Variants in DNAJC10 observed in about 807,000 individuals in gnomAD.
DNAJC10 encodes the protein endoplasmic reticulum disulfide reductase DNAJC10.
Under a neutral mutation model 115.0 loss-of-function variants are expected in DNAJC10, and 101 were observed. That is an observed-to-expected ratio of 0.88 (90% CI 0.75 to 1.04). The LOEUF (loss-of-function observed/expected upper bound fraction) is 1.04, where lower values mean the gene tolerates loss of function less well. Ranked by LOEUF, DNAJC10 falls within the 50% of genes least tolerant of loss-of-function variation. The pLI, the probability that DNAJC10 is intolerant of heterozygous loss-of-function variation, is 0.00. For missense variants in DNAJC10, 981 were observed against 928.8 expected (o/e 1.06, Z -0.73); for synonymous variants, 307 against 301.5 (o/e 1.02, Z -0.19).
chr2:182,761,162 G>T (rs1204610316), intron 21 of DNAJC10, among the ~76,000 whole-genome samples: 2 of 152,032 alleles, frequency 1.3e-5, no homozygotes, highest in Non-Finnish European at 2.9e-5. Context: ...AGAGAAAATG[G>T]AAATAAATAT....
At chr2:182,756,225 G>GATACTCAA in intron 17 of DNAJC10, 89 bp from the exon 18 acceptor site, 1 of 1,088,286 alleles carries the variant, frequency 9.2e-7, no homozygotes, top group Non-Finnish European at 1.3e-6. Flanking sequence ...TTGGATAAGA[G>GATACTCAA]ATACTCAACC....
Position 182,740,477 on chromosome 2 carries a change from A to G in DNAJC10, c.1077+89A>G, listed in dbSNP as rs187567938. 31 of 1,244,316 alleles carry G rather than the reference A, an allele frequency of 2.5e-5. No homozygotes were observed. In the Admixed American group the frequency reaches 3.8e-4, roughly 15 times the overall value. 77.1% of individuals were successfully genotyped at this position (1,244,316 alleles called of 1,614,324 possible). On this transcript the variant is annotated intron_variant, in intron 12 of 23. Transcript: ENST00000264065. ...TTTAAAATTAGCATTTGTTTTATTCATCTCTAGAGAGAATTGAAAGTAGCA... is the reference window on the plus strand; with the variant it reads ...TTTAAAATTAGCATTTGTTTTATTCGTCTCTAGAGAGAATTGAAAGTAGCA...
chr2:182,745,544 C>T (rs1693839648), intron 14 of DNAJC10, among the ~76,000 whole-genome samples: 1 of 152,108 alleles, frequency 6.6e-6, no homozygotes, highest in Admixed American at 6.6e-5. Flanking sequence ...TACATTGTTT[C>T]TTTGGATTAA....
At chr2:182,753,373 T>G (rs1309963836) in intron 16 of DNAJC10, among the ~76,000 whole-genome samples, 3 of 152,032 alleles carry the variant, frequency 2.0e-5, no homozygotes, top group Non-Finnish European at 2.9e-5. Flanking sequence ...AAGAAAGCCA[T>G]ACATTTTTAG....
intron 10 of DNAJC10, among the ~76,000 whole-genome samples, chr2:182,735,262 G>T (rs990260563): frequency 6.6e-6 from 1 of 151,494 alleles, no homozygotes; most frequent in Non-Finnish European, 1.5e-5. Flanking sequence ...GCTACCTAAC[G>T]CAAGAGTACT....
Position 182,777,517 on chromosome 2 carries a change from TATA to T in DNAJC10, c.*388_*390del, listed in dbSNP as rs764808697. 37 of 155,166 alleles carry T rather than the reference TATA, an allele frequency of 2.4e-4. No homozygotes were observed. The highest frequency in any genetic ancestry group is 3.3e-3 in the Middle Eastern group (1 of 306). 9.6% of individuals were successfully genotyped at this position (155,166 alleles called of 1,614,324 possible). A position where few individuals can be genotyped will look rare whatever the true frequency, so the allele number is the denominator to read the frequency against. On this transcript the variant is annotated 3_prime_UTR_variant, in exon 24 of 24. Transcript: ENST00000264065. Reference sequence around the variant, plus strand: ...AGATTGCTGTCCCCCTCGACGGACTTATAATGTTTCAGGTGGCTGGCTTGAACA... The same window carrying T: ...AGATTGCTGTCCCCCTCGACGGACTTATGTTTCAGGTGGCTGGCTTGAACA...
intron 3 of DNAJC10, among the ~76,000 whole-genome samples, chr2:182,719,399 G>A (rs767878096): frequency 6.6e-6 from 1 of 151,636 alleles, no homozygotes; most frequent in South Asian, 2.1e-4. Context: ...GATTACAGGC[G>A]TGCGTCACTA....
At chr2:182,725,984 C>T (rs943784705) in intron 5 of DNAJC10, among the ~76,000 whole-genome samples, 1 of 152,130 alleles carries the variant, frequency 6.6e-6, no homozygotes, top group Non-Finnish European at 1.5e-5. Context: ...TAAGGCTCTA[C>T]CTGCCATAGG....
chr2:182,727,386 TGATAA>T (rs1361485135), intron 5 of DNAJC10, among the ~76,000 whole-genome samples: 1 of 152,242 alleles, frequency 6.6e-6, no homozygotes, highest in East Asian at 1.9e-4. Flanking sequence ...TGTTTATAGC[TGATAA>T]GATAATCCCT....
chr2:182,762,923 T>C (rs1694321899), intron 22 of DNAJC10, 122 bp downstream of exon 22: 2 of 1,134,458 alleles, frequency 1.8e-6, no homozygotes, highest in South Asian at 2.0e-5. Flanking sequence ...TTATTACATA[T>C]TACTGATACA....
At chr2:182,767,321 C>T (rs1694439514) in intron 22 of DNAJC10, among the ~76,000 whole-genome samples, 1 of 152,188 alleles carries the variant, frequency 6.6e-6, no homozygotes, top group Non-Finnish European at 1.5e-5. Context: ...GATCAGGAAA[C>T]CAAGGGCATT....
At chr2:182,772,959 T>A (rs1320326915) in intron 22 of DNAJC10, among the ~76,000 whole-genome samples, 2 of 152,230 alleles carry the variant, frequency 1.3e-5, no homozygotes, top group African/African-American at 4.8e-5. Context: ...ATTTGGCATG[T>A]TTTTGCAATG....
intron 19 of DNAJC10, among the ~76,000 whole-genome samples, chr2:182,758,199 A>T (rs1009564216): frequency 6.6e-6 from 1 of 152,120 alleles, no homozygotes; most frequent in African/African-American, 2.4e-5. Context: ...GTAAACTGTG[A>T]TTCTCAGACC....
Position 182,777,935 on chromosome 2 carries a change from A to G in DNAJC10, c.*803A>G, listed in dbSNP as rs1006242499. On this transcript the variant is annotated 3_prime_UTR_variant, in exon 24 of 24. Transcript: ENST00000264065. Reference sequence around the variant, plus strand: ...CAGGAAAACCTGAGGGAAAAAAATTATAGCAATTAACTGGGCATTGTAGAG... The same window carrying G: ...CAGGAAAACCTGAGGGAAAAAAATTGTAGCAATTAACTGGGCATTGTAGAG... 5 of 152,234 alleles carry G rather than the reference A, an allele frequency of 3.3e-5. No individual in the cohort carries two copies. Among genetic ancestry groups the G allele is most frequent in the African/African-American group, 1.2e-4 (5 of 41,476 alleles). The allele number at this position is 152,234 out of a possible 1,614,324, so 9.4% of individuals were successfully genotyped here.
chr2:182,729,035 T>C (rs780828889), intron 7 of DNAJC10, 41 bp downstream of exon 7: 5 of 1,592,306 alleles, frequency 3.1e-6, no homozygotes, highest in Non-Finnish European at 4.3e-6. Flanking sequence ...TGTGAAACAT[T>C]ATGACAAGTT....
intron 17 of DNAJC10, 54 bp downstream of exon 17, chr2:182,755,158 C>A: frequency 9.5e-7 from 1 of 1,052,434 alleles, no homozygotes; most frequent in Non-Finnish European, 1.5e-6. Context: ...CTATGTAAAC[C>A]CTGTATGAAT....
chr2:182,748,024 G>C (rs1397600398), intron 14 of DNAJC10, among the ~76,000 whole-genome samples: 1 of 146,640 alleles, frequency 6.8e-6, no homozygotes, highest in Non-Finnish European at 1.5e-5. Context: ...TTATATGCTG[G>C]ATTACATTTA....
At chr2:182,739,932 A>G (rs1255461009) in intron 11 of DNAJC10, 4 of 988,632 alleles carry the variant, frequency 4.0e-6, no homozygotes, top group Non-Finnish European at 4.8e-6. Flanking sequence ...TCTGTAAAAC[A>G]TGATTAGCAT....
chr2:182,751,808 A>T, intron 15 of DNAJC10, 23 bp downstream of exon 15: 1 of 1,606,368 alleles, frequency 6.2e-7, no homozygotes, highest in Admixed American at 1.7e-5. Context: ...TATCTGTCAG[A>T]TTCTAACATT....
Sources: gnomAD v4.1 joint callset for allele counts (sites outside exome capture counted in the v4.1 genomes callset) on GRCh38, gnomAD v4.1.1 for gene constraint, MANE v1.5 for transcripts, NCBI Gene and HGNC (gene_info 2026-07-23, HGNC 2026-07-21) for gene names.